AHCTF1: variants seen among roughly 807,000 people sequenced by gnomAD.
The protein encoded by AHCTF1 is AT-hook containing transcription factor 1.
AHCTF1 carries 24 observed loss-of-function variants against 248.4 expected under a neutral mutation model. That is an observed-to-expected ratio of 0.10 (90% confidence interval 0.07 to 0.14). The LOEUF (loss-of-function observed/expected upper bound fraction) is 0.14, where lower values mean the gene tolerates loss of function less well. AHCTF1 is among the 10% of genes least tolerant of loss of function. AHCTF1 has a pLI of 1.00. For synonymous variants in AHCTF1, 786 were observed against 929.8 expected, an observed-to-expected ratio of 0.85 and a Z score of 2.81; for missense variants, 2,206 against 2,636.2, an observed-to-expected ratio of 0.84 and a Z score of 3.57.
chr1:246,929,532 TCA>T (rs1361843622), intron 1 of AHCTF1, among the ~76,000 whole-genome samples: 2 of 152,152 alleles, frequency 1.3e-5, no homozygotes, highest in East Asian at 3.9e-4. Flanking sequence ...CAAAGAAACA[TCA>T]GAGTGGAAAC....
intron 32 of AHCTF1, 146 bp downstream of exon 32, chr1:246,852,945 C>T: frequency 1.6e-6 from 1 of 625,236 alleles, no homozygotes; most frequent in Non-Finnish European, 2.8e-6. Flanking sequence ...GATTTATACA[C>T]TTATTTTTTG....
chr1:246,908,159 T>C (rs1265527562), intron 4 of AHCTF1, among the ~76,000 whole-genome samples: 1 of 152,088 alleles, frequency 6.6e-6, no homozygotes, highest in Non-Finnish European at 1.5e-5. Flanking sequence ...ATGAGCCTGG[T>C]ACATCTTATG....
intron 11 of AHCTF1, among the ~76,000 whole-genome samples, 156 bp downstream of exon 11, chr1:246,899,295 C>T (rs1434301511): frequency 6.6e-6 from 1 of 152,120 alleles, no homozygotes; most frequent in East Asian, 1.9e-4. Context: ...TCATTAGTAA[C>T]TGATACTACT....
intron 24 of AHCTF1, among the ~76,000 whole-genome samples, chr1:246,874,287 C>T: frequency 6.6e-6 from 1 of 152,106 alleles, no homozygotes; most frequent in South Asian, 2.1e-4. Flanking sequence ...CACCTAAAGC[C>T]AAATAACATT....
intron 7 of AHCTF1, among the ~76,000 whole-genome samples, chr1:246,902,989 A>C (rs1193819549): frequency 2.0e-5 from 3 of 152,228 alleles, no homozygotes; most frequent in Non-Finnish European, 4.4e-5. Context: ...TCAGACCAGC[A>C]ATACTATACC....
intron 27 of AHCTF1, 21 bp downstream of exon 27, chr1:246,863,903 G>A (rs1347366466): frequency 2.1e-5 from 34 of 1,609,684 alleles, no homozygotes; most frequent in Admixed American, 5.0e-5. Flanking sequence ...GATTGTGAAC[G>A]CTAGATGCGT....
intron 23 of AHCTF1, among the ~76,000 whole-genome samples, 172 bp downstream of exon 23, chr1:246,876,778 G>C (rs562388345): frequency 6.6e-6 from 1 of 152,262 alleles, no homozygotes; most frequent in East Asian, 1.9e-4. Flanking sequence ...AAAGAATTAC[G>C]TGGTAATACC....
intron 1 of AHCTF1, among the ~76,000 whole-genome samples, 168 bp from the exon 2 acceptor site, chr1:246,918,545 C>G (rs966232354): frequency 2.0e-5 from 3 of 152,214 alleles, no homozygotes; most frequent in Non-Finnish European, 4.4e-5. Context: ...CCTTTAAGTC[C>G]CAGCTACTTG....
At chr1:246,878,006 AAATTAT>A (rs1198747485) in intron 21 of AHCTF1, among the ~76,000 whole-genome samples, 1 of 152,024 alleles carries the variant, frequency 6.6e-6, no homozygotes, top group Non-Finnish European at 1.5e-5. Flanking sequence ...ATATCTATAA[AAATTAT>A]AATTAAATAT....
chr1:246,849,841 T>C lies in AHCTF1; in HGVS notation c.6165A>G (p.Gln2055=). 2 of 1,613,976 alleles carry C rather than the reference T, an allele frequency of 1.2e-6. No homozygotes were observed. Among genetic ancestry groups the C allele is most frequent in the Non-Finnish European group, 8.5e-7 (1 of 1,179,838 alleles). Residue 2055 remains glutamine, a synonymous_variant, in exon 33 of 36, where the codon CAA becomes CAG. Coordinates refer to ENST00000648844, the MANE Select transcript of AHCTF1 (RefSeq NM_001323342.2). ...CTGAGTGCAATGAACGTTTTTGGCT[T>C]TGACTTTCAGTCTTTTTTGTAAGTT... ...KKKLTKKTES[Q]SQKRSLHSVS...
At chr1:246,842,800 G>A (rs1374304636) in intron 34 of AHCTF1, 24 bp from the exon 35 acceptor site, 2 of 1,586,718 alleles carry the variant, frequency 1.3e-6, no homozygotes, top group African/African-American at 2.7e-5. Context: ...ATTTTAAAAG[G>A]TTAAGTATTA....
At chr1:246,885,022 T>C (rs1663713756) in intron 21 of AHCTF1, among the ~76,000 whole-genome samples, 1 of 152,178 alleles carries the variant, frequency 6.6e-6, no homozygotes, top group Non-Finnish European at 1.5e-5. Context: ...ACTGTCAATG[T>C]TGTCAACTGG....
intron 3 of AHCTF1, among the ~76,000 whole-genome samples, chr1:246,914,885 C>A (rs1666037135): frequency 6.6e-6 from 1 of 152,196 alleles, no homozygotes; most frequent in Non-Finnish European, 1.5e-5. Context: ...TGTTCTGAAT[C>A]TGCCCCATCT....
intron 21 of AHCTF1, among the ~76,000 whole-genome samples, chr1:246,879,147 A>G (rs1373188328): frequency 1.3e-5 from 2 of 152,214 alleles, no homozygotes; most frequent in Non-Finnish European, 2.9e-5. Flanking sequence ...AACACAGGAA[A>G]AAAAGCCAAA....
At position 246,850,732 on chromosome 1, in the gene AHCTF1, T is replaced by C. The variant is rs746188781; in HGVS notation, c.5274A>G (p.Ala1758=). The change falls in exon 33 of 36, where the codon GCA becomes GCG. Residue 1758 remains alanine, a synonymous_variant. Transcript: ENST00000648844. ...NVNVKSAQQE[A]SADVATPKMP... ...TCTTAGGAGTAGCAACATCTGCTGA[T>C]GCTTCCTGTTGTGCTGATTTGACAT... 1.9e-6 allele frequency: 3 copies of C among 1,613,938 alleles called. No homozygotes were observed. The highest frequency in any genetic ancestry group is 2.2e-5 in the South Asian group (2 of 91,072).
chr1:246,917,218 A>T (rs1234330402), intron 2 of AHCTF1, among the ~76,000 whole-genome samples: 3 of 152,214 alleles, frequency 2.0e-5, no homozygotes, highest in African/African-American at 7.2e-5. Context: ...TTGACTGGAG[A>T]TTCAACTTAG....
In AHCTF1 at chr1:246,918,276, G is replaced by A. The variant is rs200912155; in HGVS notation, c.95C>T (p.Ser32Phe). The A allele has an allele frequency of 6.2e-6, 10 of 1,610,532 alleles. No individual in the cohort carries two copies. Among genetic ancestry groups the A allele is most frequent in the Non-Finnish European group, 8.5e-6 (10 of 1,179,058 alleles). ...ALGEDEITLE[S>F]VLRGKFAAGK... ...TGCAGCAAACTTTCCACGAAGCACA[G>A]ATTCTAATGTTATTTCGTCTTCTCC... Residue 32 changes from serine (S) to phenylalanine (F), a missense_variant, in exon 2 of 36, where the codon TCT becomes TTT. Physicochemically the swap from Ser to Phe is radical, Grantham distance 155 (BLOSUM62 -2). Coordinates refer to ENST00000648844, the MANE Select transcript of AHCTF1 (RefSeq NM_001323342.2).
At position 246,900,415 on chromosome 1, in the gene AHCTF1, C is replaced by T; in HGVS notation, c.1172G>A (p.Gly391Glu). The T allele has an allele frequency of 1.3e-6, 2 of 1,599,794 alleles. No homozygotes were observed. The highest frequency in any genetic ancestry group is 1.7e-6 in the Non-Finnish European group (2 of 1,177,022). ...SVFTWQVNIY[G>E]QGKPSVYLGL... ...CAAATATACAGAAGGCTTTCCCTGT[C>T]CATATATATTCACCTGCCAGGTAAA... Residue 391 changes from glycine to glutamate, a missense_variant, in exon 9 of 36, where the codon GGA (glycine) becomes GAA (glutamate). By Grantham distance (98) the Gly-to-Glu change is moderately conservative. Coordinates refer to ENST00000648844, the MANE Select transcript of AHCTF1 (RefSeq NM_001323342.2).
At position 246,861,056 on chromosome 1, in the gene AHCTF1, C is replaced by A; in HGVS notation, c.3975G>T (p.Pro1325=). The A allele has an allele frequency of 1.2e-6, 2 of 1,614,014 alleles. No individual in the cohort carries two copies. The highest frequency in any genetic ancestry group is 1.7e-6 in the Non-Finnish European group (2 of 1,179,944). ...DETTLEYQDA[P]SPEDLEETVF... ...CAGTCTCTTCAAGGTCTTCCGGTGA[C>A]GGTGCATCCTGATACTCTAAGGTAG... The change falls in exon 29 of 36, where the codon CCG becomes CCT. Residue 1325 remains proline (P), a synonymous_variant. Coordinates refer to ENST00000648844, the MANE Select transcript of AHCTF1 (RefSeq NM_001323342.2).
Sources: gnomAD v4.1 joint callset for allele counts (sites outside exome capture counted in the v4.1 genomes callset) on GRCh38, gnomAD v4.1.1 for gene constraint, MANE v1.5 for transcripts, NCBI Gene and HGNC (gene_info 2026-07-23, HGNC 2026-07-21) for gene names.